Variants in SLC5A7 observed in about 807,000 individuals in gnomAD.
SLC5A7 encodes the protein solute carrier family 5 member 7.
In SLC5A7, 19 loss-of-function variants were observed where a neutral mutation model predicts 55.4. The ratio of observed to expected loss-of-function variants is 0.34; its 90% CI spans 0.24 to 0.50. The LOEUF (loss-of-function observed/expected upper bound fraction) is 0.50, where lower values mean the gene tolerates loss of function less well. SLC5A7 is among the 20% of genes least tolerant of loss of function. The pLI, the probability that SLC5A7 is intolerant of heterozygous loss-of-function variation, is 0.98. For missense variants in SLC5A7, 506 were observed against 705.3 expected (o/e 0.72, Z 3.20); for synonymous variants, 265 against 263.7 (o/e 1.00, Z -0.05).
chr2:108,006,512 G>A lies in SLC5A7; in HGVS notation c.895+310G>A, dbSNP rs146053807. On this transcript the variant is annotated intron_variant, in intron 7 of 8. Coordinates refer to ENST00000264047, the MANE Select transcript of SLC5A7 (RefSeq NM_021815.5). ...TGGGATTATAGGTGTGAGCTACTGCGCCCAGCCTCCAATTTTTTTGATTGC... is the reference window on the plus strand; with the variant it reads ...TGGGATTATAGGTGTGAGCTACTGCACCCAGCCTCCAATTTTTTTGATTGC... Among the ~76,000 whole-genome samples the A allele has an allele frequency of 5.3e-3, 795 of 151,074 alleles. 11 individuals are homozygous for A. Among genetic ancestry groups the A allele is most frequent in the African/African-American group, 0.018 (756 of 41,128 alleles).
At chr2:107,999,824 T>C (rs1677814763) in intron 5 of SLC5A7, among the ~76,000 whole-genome samples, 1 of 152,104 alleles carries the variant, frequency 6.6e-6, no homozygotes, top group Non-Finnish European at 1.5e-5. Flanking sequence ...TTCATAATCC[T>C]TTTTAGTACC....
intron 6 of SLC5A7, 127 bp from the exon 7 acceptor site, chr2:108,005,921 TG>T: frequency 9.3e-7 from 1 of 1,078,318 alleles, no homozygotes; most frequent in Non-Finnish European, 1.3e-6. Context: ...TTGATATTTG[TG>T]GCTACATGCC....
At position 108,012,080 on chromosome 2, in the gene SLC5A7, C is replaced by G. The variant is rs1678348977; in HGVS notation, c.*1219C>G. 1 of 152,484 alleles carries G rather than the reference C, an allele frequency of 6.6e-6. No homozygotes were observed. 9.4% of individuals were successfully genotyped at this position (152,484 alleles called of 1,614,324 possible). On this transcript the variant is annotated 3_prime_UTR_variant, in exon 9 of 9. Coordinates refer to ENST00000264047, the MANE Select transcript of SLC5A7 (RefSeq NM_021815.5). ...AAAGTGAAGAAGCCATCAATTTTAA[C>G]ATTTGATGTCTAGATAACATTCATG...
chr2:108,010,299 C>G lies in SLC5A7; in HGVS notation c.1181C>G (p.Ala394Gly), dbSNP rs750242187. 12 of 1,613,850 alleles carry G rather than the reference C, an allele frequency of 7.4e-6. No homozygotes were observed. The highest frequency in any genetic ancestry group is 9.3e-6 in the Non-Finnish European group (11 of 1,179,932). Reference protein sequence around the residue: ...TVFVFGASATAMALLTKTVYG... With the variant: ...TVFVFGASATGMALLTKTVYG... ...TTTGTGTTTGGAGCATCTGCAACAG[C>G]CATGGCCTTGCTGACGAAAACTGTG... Residue 394 changes from alanine (A) to glycine (G), a missense_variant, in exon 9 of 9, where the codon GCC (alanine) becomes GGC (glycine). Ala to Gly is a moderately conservative substitution (Grantham distance 60). Around this residue, in one of 4 missense-constraint regions of SLC5A7, gnomAD observed 309 missense variants for 478.6 expected, o/e 0.65. Coordinates refer to ENST00000264047, the MANE Select transcript of SLC5A7 (RefSeq NM_021815.5).
At chr2:107,989,143 T>C (rs1677351266) in intron 2 of SLC5A7, among the ~76,000 whole-genome samples, 1 of 152,224 alleles carries the variant, frequency 6.6e-6, no homozygotes, top group South Asian at 2.1e-4. Context: ...CTGAAAAACA[T>C]CAACTTAGAA....
At position 108,010,834 on chromosome 2, in the gene SLC5A7, G is replaced by T. The variant is rs1025757053; in HGVS notation, c.1716G>T (p.Gly572=). ...AFLDVDSSPE[G]SGTEDNLQ ...TTGATGTTGATTCCAGTCCAGAAGGGTCTGGGACTGAAGATAATTTACAGT... is the reference window on the plus strand; with the variant it reads ...TTGATGTTGATTCCAGTCCAGAAGGTTCTGGGACTGAAGATAATTTACAGT... The change falls in exon 9 of 9, where the codon GGG becomes GGT. Residue 572 remains glycine, a synonymous_variant. Transcript: ENST00000264047. 2.2e-5 allele frequency: 35 copies of T among 1,589,866 alleles called. 1 individual carries two copies. Among genetic ancestry groups the T allele is most frequent in the Non-Finnish European group, 2.9e-5 (34 of 1,173,286 alleles).
chr2:107,997,760 G>A, intron 4 of SLC5A7, 78 bp from the exon 5 acceptor site: 1 of 1,335,822 alleles, frequency 7.5e-7, no homozygotes, highest in Non-Finnish European at 9.7e-7. Flanking sequence ...GTTTATCACT[G>A]AACTTTCATT....
Position 107,988,136 on chromosome 2 carries a change from A to C in SLC5A7, c.-20A>C. 6.2e-7 allele frequency: 1 copy of C among 1,609,636 alleles called. No individual in the cohort carries two copies. Among genetic ancestry groups the C allele is most frequent in the Non-Finnish European group, 8.5e-7 (1 of 1,176,510 alleles). ...TAATGAAGTAGCCAGCTGCAGAAGA[A>C]TCTGGATCATTAGATAAAAATGGCT... On this transcript the variant is annotated 5_prime_UTR_variant, in exon 2 of 9. Transcript: ENST00000264047.
chr2:107,990,431 C>T (rs931024829), intron 2 of SLC5A7, among the ~76,000 whole-genome samples: 2 of 152,010 alleles, frequency 1.3e-5, no homozygotes, highest in African/African-American at 4.8e-5. Context: ...TTAGCAATTC[C>T]AGTTGCCTGG....
rs1481129890 is a variant in SLC5A7 at position 107,997,361 on chromosome 2, C to A, written c.449-477C>A. ...AGGAGCAATAGGCCATACCATGTAG[C>A]CTAGGTGTGTAGTAGGTTACACCAT... On this transcript the variant is annotated intron_variant, in intron 4 of 8. Coordinates refer to ENST00000264047, the MANE Select transcript of SLC5A7 (RefSeq NM_021815.5). Among the ~76,000 whole-genome samples, 8 of 152,264 alleles carry A rather than the reference C, an allele frequency of 5.3e-5. No homozygotes were observed. In the East Asian group the frequency reaches 1.5e-3, roughly 29 times the overall value.
At chr2:108,006,406 G>A (rs1678126647) in intron 7 of SLC5A7, among the ~76,000 whole-genome samples, 1 of 137,188 alleles carries the variant, frequency 7.3e-6, no homozygotes, top group Non-Finnish European at 1.5e-5. Flanking sequence ...TTTTAGTAGA[G>A]ACGGGGTTTC....
rs112819288 is a variant in SLC5A7 at position 107,994,060 on chromosome 2, A to G, written c.448+933A>G. Among the ~76,000 whole-genome samples the G allele has an allele frequency of 5.6e-3, 856 of 152,284 alleles. 8 individuals carry two copies. The highest frequency in any genetic ancestry group is 7.0e-3 in the Non-Finnish European group (476 of 68,022). ...CTCCTCGACTCCAATCTACCCTTAG[A>G]GACACAGGCTTAGATGTGTACCACA... On this transcript the variant is annotated intron_variant, in intron 4 of 8. Coordinates refer to ENST00000264047, the MANE Select transcript of SLC5A7 (RefSeq NM_021815.5).
In SLC5A7 at chr2:108,006,037, T is replaced by C. The variant is rs1167046725; in HGVS notation, c.742-12T>C. ...AGATGTTTGCCTCTCCATCCTTGTG[T>C]TTCCCGCACAGATGCTGGGTGGAAT... On this transcript the variant is annotated splice_polypyrimidine_tract_variant and intron_variant, in intron 6 of 8. Coordinates refer to ENST00000264047, the MANE Select transcript of SLC5A7 (RefSeq NM_021815.5). 6.2e-7 allele frequency: 1 copy of C among 1,613,704 alleles called. No homozygotes were observed. The highest frequency in any genetic ancestry group is 8.5e-7 in the Non-Finnish European group (1 of 1,179,842).
chr2:107,996,132 T>G lies in SLC5A7; in HGVS notation c.449-1706T>G, dbSNP rs543236788. ...TGAACTTTTCATAATTCATGGTATA[T>G]AGCTTAGAAGCGTTATTAAAGTGGA... On this transcript the variant is annotated intron_variant, in intron 4 of 8. Coordinates refer to ENST00000264047, the MANE Select transcript of SLC5A7 (RefSeq NM_021815.5). 2.6e-5 allele frequency among the ~76,000 whole-genome samples: 4 copies of G among 152,230 alleles called. No individual in the cohort carries two copies. The East Asian group carries it at 7.7e-4, about 29-fold the overall frequency.
chr2:108,010,454 A>C lies in SLC5A7; in HGVS notation c.1336A>C (p.Arg446=), dbSNP rs1196102861. The part of the protein sequence containing the change: ...VAGYVSGLFL[R]ITGGEPYLYL... ...AGGTTATGTTTCTGGCCTCTTCCTG[A>C]GAATAACTGGAGGGGAGCCATATCT... Residue 446 remains arginine (R), a synonymous_variant, in exon 9 of 9, where the codon AGA becomes CGA. Coordinates refer to ENST00000264047, the MANE Select transcript of SLC5A7 (RefSeq NM_021815.5). The C allele has an allele frequency of 6.2e-7, 1 of 1,613,874 alleles. No individual in the cohort carries two copies.
At chr2:107,995,523 G>A (rs1365493761) in intron 4 of SLC5A7, among the ~76,000 whole-genome samples, 2 of 149,240 alleles carry the variant, frequency 1.3e-5, no homozygotes, top group African/African-American at 2.5e-5. Flanking sequence ...TGGGTACTAT[G>A]TACATTATTT....
At chr2:107,994,518 A>G (rs544871484) in intron 4 of SLC5A7, among the ~76,000 whole-genome samples, 23 of 152,180 alleles carry the variant, frequency 1.5e-4, no homozygotes, top group South Asian at 4.2e-4. Flanking sequence ...CCCGGGAGGC[A>G]GAGCTTACAG....
At chr2:107,997,568 G>A (rs1677714875) in intron 4 of SLC5A7, among the ~76,000 whole-genome samples, 1 of 151,956 alleles carries the variant, frequency 6.6e-6, no homozygotes, top group African/African-American at 2.4e-5. Flanking sequence ...AGTAATTCAG[G>A]GTCTTCTATA....
chr2:108,011,043 A>G lies in SLC5A7; in HGVS notation c.*182A>G. The G allele has an allele frequency of 1.9e-6, 1 of 528,486 alleles. No homozygotes were observed. Among genetic ancestry groups the G allele is most frequent in the African/African-American group, 2.0e-5 (1 of 50,806 alleles). 32.7% of individuals were successfully genotyped at this position (528,486 alleles called of 1,614,324 possible). On this transcript the variant is annotated 3_prime_UTR_variant, in exon 9 of 9. Coordinates refer to ENST00000264047, the MANE Select transcript of SLC5A7 (RefSeq NM_021815.5). ...GCTAGAAGGAAGCACCTATGAAAGC[A>G]ACAACTTTGTTTCTCATCCATAGTA...
Sources: gnomAD v4.1 joint callset for allele counts (sites outside exome capture counted in the v4.1 genomes callset) on GRCh38, gnomAD v4.1.1 for gene constraint, gnomAD v4.1.1 regional missense constraint, MANE v1.5 for transcripts, NCBI Gene and HGNC (gene_info 2026-07-23, HGNC 2026-07-21) for gene names.